Variants in ENPP6 observed in about 807,000 individuals in gnomAD.
ENPP6 encodes ectonucleotide pyrophosphatase/phosphodiesterase 6, also known as glycerophosphocholine cholinephosphodiesterase ENPP6.
In ENPP6, 32 loss-of-function variants were observed where a neutral mutation model predicts 42.0. The observed-to-expected ratio is 0.76, with a 90% CI of 0.58 to 1.02. The LOEUF (loss-of-function observed/expected upper bound fraction) is 1.02. ENPP6 is among the 50% of genes least tolerant of loss of function. ENPP6 has a pLI of 0.00. For missense variants in ENPP6, 552 were observed against 566.8 expected (o/e 0.97, Z 0.27); for synonymous variants, 213 against 216.0 (o/e 0.99, Z 0.12).
intron 1 of ENPP6, among the ~76,000 whole-genome samples, chr4:184,199,566 T>G (rs1732859128): frequency 1.3e-5 from 2 of 152,132 alleles, no homozygotes; most frequent in African/African-American, 4.8e-5. Context: ...TGTGATTGAT[T>G]TGTGTTCAGA....
At chr4:184,131,520 A>ATTTTTT (rs58927070) in intron 2 of ENPP6, among the ~76,000 whole-genome samples, 2,635 of 136,548 alleles carry the variant, frequency 0.019, 79 homozygotes, top group African/African-American at 0.071. Flanking sequence ...TGCCCAGCTA[A>ATTTTTT]TTTTTTTTTT....
chr4:184,203,158 G>A (rs1447700569), intron 1 of ENPP6, among the ~76,000 whole-genome samples: 2 of 152,184 alleles, frequency 1.3e-5, no homozygotes, highest in Admixed American at 1.3e-4. Context: ...GGCTGAGGCA[G>A]GAGAATCGCT....
chr4:184,109,523 T>A (rs187355932), intron 6 of ENPP6, among the ~76,000 whole-genome samples: 143 of 152,284 alleles, frequency 9.4e-4, no homozygotes, highest in Non-Finnish European at 1.4e-3. Flanking sequence ...CCCTTATCAT[T>A]AGTAATTAAA....
At chr4:184,180,730 C>T (rs1231095365) in intron 1 of ENPP6, among the ~76,000 whole-genome samples, 1 of 152,172 alleles carries the variant, frequency 6.6e-6, no homozygotes, top group African/African-American at 2.4e-5. Context: ...AAATATAATT[C>T]ATCACATAAA....
intron 6 of ENPP6, among the ~76,000 whole-genome samples, chr4:184,107,876 T>C (rs1437538415): frequency 6.6e-6 from 1 of 150,720 alleles, no homozygotes; most frequent in Admixed American, 6.6e-5. Context: ...GATCCCGCCA[T>C]TACCCTCTAG....
At chr4:184,178,527 G>T (rs1259584401) in intron 1 of ENPP6, among the ~76,000 whole-genome samples, 1 of 152,076 alleles carries the variant, frequency 6.6e-6, no homozygotes, top group East Asian at 1.9e-4. Context: ...GGGAACCCCA[G>T]TAAGATACTC....
intron 1 of ENPP6, among the ~76,000 whole-genome samples, chr4:184,193,543 A>G (rs1313707598): frequency 6.6e-6 from 1 of 152,206 alleles, no homozygotes; most frequent in Non-Finnish European, 1.5e-5. Flanking sequence ...ATAAAAGTAT[A>G]CTGTGGCAGT....
At chr4:184,180,776 T>C (rs979899525) in intron 1 of ENPP6, among the ~76,000 whole-genome samples, 5 of 152,152 alleles carry the variant, frequency 3.3e-5, no homozygotes, top group African/African-American at 1.2e-4. Context: ...ATTATCTCAA[T>C]AGACGCAGAA....
chr4:184,182,178 A>T (rs1732565505), intron 1 of ENPP6, among the ~76,000 whole-genome samples: 1 of 151,930 alleles, frequency 6.6e-6, no homozygotes, highest in Non-Finnish European at 1.5e-5. Context: ...AAAAAAAACA[A>T]CCCCATTAAA....
chr4:184,166,562 A>G (rs906235752), intron 1 of ENPP6, among the ~76,000 whole-genome samples: 1 of 152,258 alleles, frequency 6.6e-6, no homozygotes, highest in African/African-American at 2.4e-5. Flanking sequence ...ATTTTTAACA[A>G]AGCTCAAAGA....
intron 6 of ENPP6, among the ~76,000 whole-genome samples, chr4:184,110,267 A>G (rs1182425565): frequency 2.0e-5 from 3 of 152,122 alleles, no homozygotes; most frequent in African/African-American, 7.2e-5. Flanking sequence ...CCTGGTCTGC[A>G]CTTCAGCACA....
At chr4:184,215,584 C>T (rs1289521643) in intron 1 of ENPP6, among the ~76,000 whole-genome samples, 1 of 152,174 alleles carries the variant, frequency 6.6e-6, no homozygotes, top group Non-Finnish European at 1.5e-5. Flanking sequence ...CAAGACAAAT[C>T]ATACCCAAGG....
intron 6 of ENPP6, among the ~76,000 whole-genome samples, chr4:184,112,227 G>T (rs1470461169): frequency 6.6e-6 from 1 of 152,196 alleles, no homozygotes; most frequent in East Asian, 1.9e-4. Context: ...AAAAATGCAT[G>T]ATATTCTCCT....
intron 1 of ENPP6, among the ~76,000 whole-genome samples, chr4:184,172,429 C>T (rs759681098): frequency 1.3e-5 from 2 of 152,166 alleles, no homozygotes; most frequent in Non-Finnish European, 1.5e-5. Context: ...CACCCAGCTA[C>T]GCTCCTCTCC....
chr4:184,159,305 A>T (rs1002440855), intron 1 of ENPP6, among the ~76,000 whole-genome samples: 3 of 152,238 alleles, frequency 2.0e-5, no homozygotes, highest in African/African-American at 7.2e-5. Flanking sequence ...AGCATTATCC[A>T]ACAATAGTAA....
intron 1 of ENPP6, among the ~76,000 whole-genome samples, chr4:184,157,888 G>C (rs1297088364): frequency 1.3e-5 from 2 of 150,398 alleles, no homozygotes; most frequent in Non-Finnish European, 2.9e-5. Flanking sequence ...CCAAAGTGCT[G>C]GAATTACAGG....
At chr4:184,122,000 G>C (rs1221233989) in intron 3 of ENPP6, among the ~76,000 whole-genome samples, 1 of 152,164 alleles carries the variant, frequency 6.6e-6, no homozygotes, top group Non-Finnish European at 1.5e-5. Flanking sequence ...GTATCATCCA[G>C]CCTATTATTA....
chr4:184,156,052 G>C (rs1469559234), intron 1 of ENPP6, among the ~76,000 whole-genome samples: 1 of 152,238 alleles, frequency 6.6e-6, no homozygotes, highest in Non-Finnish European at 1.5e-5. Context: ...GAGACAGAGA[G>C]AGAGATGGAG....
At chr4:184,208,919 TCCCTGAC>T (rs1227953961) in intron 1 of ENPP6, among the ~76,000 whole-genome samples, 119 of 144,024 alleles carry the variant, frequency 8.3e-4, no homozygotes, top group African/African-American at 3.0e-3. Context: ...CTCAAGTGGG[TCCCTGAC>T]CCCTGACCCC....
Sources: gnomAD v4.1 joint callset for allele counts (sites outside exome capture counted in the v4.1 genomes callset) on GRCh38, gnomAD v4.1.1 for gene constraint, MANE v1.5 for transcripts, NCBI Gene and HGNC (gene_info 2026-07-23, HGNC 2026-07-21) for gene names.